Variants in KCNB2 observed in about 807,000 individuals in gnomAD.
KCNB2 encodes delayed rectifier potassium channel protein.
A neutral mutation model predicts 61.5 loss-of-function variants in KCNB2; 15 were observed. The ratio of observed to expected loss-of-function variants is 0.24; its 90% CI spans 0.16 to 0.38. The LOEUF (loss-of-function observed/expected upper bound fraction) is 0.38, where lower values mean the gene tolerates loss of function less well. Among genes scored for constraint, KCNB2 ranks in the 10% least tolerant of loss-of-function variants. KCNB2 has a pLI of 1.00. For synonymous variants in KCNB2, 457 were observed against 446.0 expected (o/e 1.02, Z -0.31); for missense variants, 828 against 1,125.2 (o/e 0.74, Z 3.78).
At chr8:72,746,551 G>A (rs1447225892) in intron 2 of KCNB2, among the ~76,000 whole-genome samples, 1 of 152,124 alleles carries the variant, frequency 6.6e-6, no homozygotes, top group Non-Finnish European at 1.5e-5. Flanking sequence ...CATGTCTGAC[G>A]GCCTAATGGT....
At chr8:72,712,536 G>T (rs1260208304) in intron 2 of KCNB2, among the ~76,000 whole-genome samples, 1 of 152,174 alleles carries the variant, frequency 6.6e-6, no homozygotes, top group African/African-American at 2.4e-5. Context: ...TCACTGACTG[G>T]ATGCTTATTA....
At chr8:72,799,251 G>A (rs907790401) in intron 2 of KCNB2, among the ~76,000 whole-genome samples, 1 of 152,092 alleles carries the variant, frequency 6.6e-6, no homozygotes, top group African/African-American at 2.4e-5. Context: ...GTGTAGTGCT[G>A]TCTCCTTCAG....
intron 2 of KCNB2, among the ~76,000 whole-genome samples, chr8:72,854,848 GATA>G (rs141156644): frequency 0.017 from 2,526 of 152,216 alleles, 79 homozygotes; most frequent in African/African-American, 0.056. Context: ...GAAGGCTTAA[GATA>G]ATAAGACAAG....
At chr8:72,550,223 G>GT (rs1320298612) in intron 1 of KCNB2, among the ~76,000 whole-genome samples, 1 of 152,152 alleles carries the variant, frequency 6.6e-6, no homozygotes, top group South Asian at 2.1e-4. Context: ...AGCCCATTAT[G>GT]TTTTTTTCTG....
intron 2 of KCNB2, among the ~76,000 whole-genome samples, chr8:72,811,056 C>T (rs886429422): frequency 6.6e-6 from 1 of 151,990 alleles, no homozygotes; most frequent in African/African-American, 2.4e-5. Context: ...TTTATCCTAC[C>T]TTCTCGATCA....
Position 72,575,672 on chromosome 8 carries a change from A to G in KCNB2, c.579+7359A>G, listed in dbSNP as rs530273976. ...CACTTTATTAATTTTTAATTCCTCT[A>G]CATTTCTAGTTTGTTCCACAAAAGA... is the stretch of plus-strand genomic sequence containing the variant. On this transcript the variant is annotated intron_variant, in intron 2 of 2. Coordinates refer to ENST00000523207, the MANE Select transcript of KCNB2 (RefSeq NM_004770.3). Among the ~76,000 whole-genome samples, 34 of 152,304 alleles carry G rather than the reference A, an allele frequency of 2.2e-4. No individual in the cohort carries two copies. The South Asian group carries it at 3.5e-3, about 16-fold the overall frequency.
At chr8:72,899,108 G>A (rs1806041314) in intron 2 of KCNB2, among the ~76,000 whole-genome samples, 1 of 152,074 alleles carries the variant, frequency 6.6e-6, no homozygotes, top group South Asian at 2.1e-4. Flanking sequence ...CAATAAACGT[G>A]ATTCACTACT....
chr8:72,676,073 G>GT (rs1311420680), intron 2 of KCNB2, among the ~76,000 whole-genome samples: 2 of 152,114 alleles, frequency 1.3e-5, no homozygotes, highest in Non-Finnish European at 2.9e-5. Context: ...TGGTTGAGTT[G>GT]TTTTTGTTCA....
chr8:72,648,354 A>C (rs538036048), intron 2 of KCNB2, among the ~76,000 whole-genome samples: 2 of 152,306 alleles, frequency 1.3e-5, no homozygotes, highest in African/African-American at 4.8e-5. Context: ...AGAAAGTATC[A>C]GTGGTTCACT....
At chr8:72,887,111 C>T (rs1288035166) in intron 2 of KCNB2, among the ~76,000 whole-genome samples, 2 of 152,192 alleles carry the variant, frequency 1.3e-5, no homozygotes, top group East Asian at 3.9e-4. Flanking sequence ...CTTTCTATAA[C>T]TGCTTTCTGA....
At chr8:72,799,447 T>C (rs1809086987) in intron 2 of KCNB2, among the ~76,000 whole-genome samples, 1 of 147,988 alleles carries the variant, frequency 6.8e-6, no homozygotes, top group African/African-American at 2.5e-5. Context: ...AGGTTTGGTT[T>C]TCAGAACTCC....
chr8:72,848,005 C>G (rs912441236), intron 2 of KCNB2, among the ~76,000 whole-genome samples: 4 of 152,184 alleles, frequency 2.6e-5, no homozygotes, highest in Non-Finnish European at 5.9e-5. Flanking sequence ...GATCACAAGC[C>G]AGGCCTGCCC....
intron 2 of KCNB2, among the ~76,000 whole-genome samples, chr8:72,893,567 C>A (rs1009417508): frequency 6.6e-5 from 10 of 152,110 alleles, no homozygotes; most frequent in African/African-American, 2.4e-4. Flanking sequence ...ATTCAATCTC[C>A]ATGTATAGTG....
chr8:72,938,000 G>T lies in KCNB2; in HGVS notation c.2645G>T (p.Gly882Val). ...SEVKKDSSQE[G>V]CKMENHLFAP... ...GTCAAAAAGGACAGTAGTCAAGAAG[G>T]GTGCAAGATGGAAAATCACTTGTTT... is the stretch of plus-strand genomic sequence containing the variant. Residue 882 changes from glycine to valine, a missense_variant, in exon 3 of 3, where the codon GGG becomes GTG. This residue lies in a region of KCNB2 where 559 missense variants were observed against 588.4 expected (regional missense o/e 0.95). Transcript: ENST00000523207. 6.2e-7 allele frequency: 1 copy of T among 1,614,030 alleles called. No individual in the cohort carries two copies. The highest frequency in any genetic ancestry group is 1.3e-5 in the African/African-American group (1 of 75,004).
intron 2 of KCNB2, among the ~76,000 whole-genome samples, chr8:72,666,816 A>ATTT (rs1021114511): frequency 6.6e-6 from 1 of 151,296 alleles, no homozygotes; most frequent in Non-Finnish European, 1.5e-5. Context: ...TTAATAATTA[A>ATTT]TTTTTTTTTC....
chr8:72,925,539 A>G (rs7840200), intron 2 of KCNB2, among the ~76,000 whole-genome samples: 2,129 of 152,344 alleles, frequency 0.014, 47 homozygotes, highest in African/African-American at 0.049. Context: ...ACATATGGAG[A>G]GAAAGCTCAA....
At chr8:72,676,798 A>G (rs1476959688) in intron 2 of KCNB2, among the ~76,000 whole-genome samples, 4 of 152,058 alleles carry the variant, frequency 2.6e-5, no homozygotes, top group African/African-American at 9.7e-5. Context: ...TCACAGGAGA[A>G]CTTCCACAGA....
chr8:72,583,948 C>CAA lies in KCNB2; in HGVS notation c.579+15651_579+15652dup, dbSNP rs71566823. 9.1e-3 allele frequency among the ~76,000 whole-genome samples: 913 copies of CAA among 100,784 alleles called. 11 individuals are homozygous for CAA. The highest frequency in any genetic ancestry group is 0.022 in the East Asian group (96 of 4,274). The allele number at this position is 100,784 out of a possible 152,430, so 66.1% of individuals were successfully genotyped here. On this transcript the variant is annotated intron_variant, in intron 2 of 2. Transcript: ENST00000523207. ...TTCAACAGTTACAACAATAGAATAT[C>CAA]AAAAAAAAAAAAAAAAACAAACAAA...
chr8:72,564,758 G>A (rs1806598516), intron 1 of KCNB2, among the ~76,000 whole-genome samples: 1 of 152,094 alleles, frequency 6.6e-6, no homozygotes, highest in Non-Finnish European at 1.5e-5. Context: ...AGAAAAGTTT[G>A]GACCCACAAT....
Sources: gnomAD v4.1 joint callset for allele counts (sites outside exome capture counted in the v4.1 genomes callset) on GRCh38, gnomAD v4.1.1 for gene constraint, gnomAD v4.1.1 regional missense constraint, MANE v1.5 for transcripts, NCBI Gene and HGNC (gene_info 2026-07-23, HGNC 2026-07-21) for gene names.